Variants in PCDHA2 observed in about 807,000 individuals in gnomAD.
PCDHA2 encodes protocadherin alpha 2.
PCDHA2 carries 58 observed loss-of-function variants against 66.0 expected under a neutral mutation model. The observed-to-expected ratio is 0.88, with a 90% CI of 0.71 to 1.09. PCDHA2 has a LOEUF of 1.09. PCDHA2 is among the 50% of genes least tolerant of loss of function. The probability of loss-of-function intolerance (pLI) is 0.00; values close to 1 mark genes in which losing one functional copy is unlikely to be tolerated. For missense variants in PCDHA2, 1,267 were observed against 1,242.3 expected (o/e 1.02, Z -0.30); for synonymous variants, 634 against 554.0 (o/e 1.14, Z -2.03).
intron 3 of PCDHA2, among the ~76,000 whole-genome samples, chr5:140,987,362 A>G (rs1490856237): frequency 6.6e-6 from 1 of 152,208 alleles, no homozygotes; most frequent in Non-Finnish European, 1.5e-5. Flanking sequence ...AGGTTGTCTT[A>G]TATCATTACA....
At chr5:140,802,377 C>T in intron 1 of PCDHA2, 2 of 1,614,264 alleles carry the variant, frequency 1.2e-6, no homozygotes, top group Non-Finnish European at 8.5e-7. Flanking sequence ...GCCCCACGTC[C>T]CCTTCAAGCT....
chr5:140,925,084 AGGAAGGAAGGAAGGAAGGAAGGAG>A (rs1554202501), intron 1 of PCDHA2, among the ~76,000 whole-genome samples: 1 of 144,612 alleles, frequency 6.9e-6, no homozygotes, highest in Admixed American at 6.7e-5. Flanking sequence ...TCATCTGGAA[AGGAAGGAAGGAAGGAAGGAAGGAG>A]GGAAGGAAGG....
At chr5:140,850,883 T>G in intron 1 of PCDHA2, 1 of 1,582,476 alleles carries the variant, frequency 6.3e-7, no homozygotes, top group Non-Finnish European at 8.6e-7. Context: ...CAGATTCAAC[T>G]GGGAAGGTGG....
intron 1 of PCDHA2, among the ~76,000 whole-genome samples, chr5:140,889,158 T>A (rs2062123549): frequency 6.6e-6 from 1 of 151,892 alleles, no homozygotes; most frequent in Non-Finnish European, 1.5e-5. Context: ...TCTTCTTTGT[T>A]AAGTATTCAA....
At chr5:140,911,258 T>C (rs265316) in intron 1 of PCDHA2, among the ~76,000 whole-genome samples, 87,913 of 151,980 alleles carry the variant, frequency 0.58, 26,381 homozygotes, top group African/African-American at 0.75. Flanking sequence ...TCAGAATTTA[T>C]AATCTCAGTG....
rs2150177437 is a variant in PCDHA2 at position 140,829,902 on chromosome 5, AC to A, written c.2388+32551del. 3 of 1,613,830 alleles carry A rather than the reference AC, an allele frequency of 1.9e-6. No homozygotes were observed. The African/African-American group carries it at 4.0e-5, about 22-fold the overall frequency. Reference sequence around the variant, plus strand: ...GCAGTTGACGCCGACTCAGGCTACAACGCGTGGCTTTCGTATGAGCTGCAGC... The same window carrying A: ...GCAGTTGACGCCGACTCAGGCTACAAGCGTGGCTTTCGTATGAGCTGCAGC... On this transcript the variant is annotated intron_variant, in intron 1 of 3. Coordinates refer to ENST00000526136, the MANE Select transcript of PCDHA2 (RefSeq NM_018905.3).
At chr5:140,902,208 T>TC (rs1462936622) in intron 1 of PCDHA2, among the ~76,000 whole-genome samples, 2 of 149,762 alleles carry the variant, frequency 1.3e-5, no homozygotes, top group East Asian at 3.9e-4. Flanking sequence ...TCTTTCTTTT[T>TC]TTTTTTTTTT....
chr5:140,885,053 A>T (rs2060447405), intron 1 of PCDHA2, among the ~76,000 whole-genome samples: 1 of 152,248 alleles, frequency 6.6e-6, no homozygotes, highest in African/African-American at 2.4e-5. Flanking sequence ...ATGTATACAT[A>T]TACCCACAAG....
At chr5:140,857,993 C>G (rs782150278) in intron 1 of PCDHA2, 1 of 1,597,064 alleles carries the variant, frequency 6.3e-7, no homozygotes. Flanking sequence ...CCTACTGGTG[C>G]TGGTGAAGGA....
intron 1 of PCDHA2, among the ~76,000 whole-genome samples, chr5:140,820,744 T>C: frequency 6.6e-6 from 1 of 151,038 alleles, no homozygotes; most frequent in African/African-American, 2.5e-5. Context: ...TGTGAAATAG[T>C]ATGTCATATA....
At chr5:140,953,413 C>T (rs965115726) in intron 1 of PCDHA2, among the ~76,000 whole-genome samples, 1 of 152,120 alleles carries the variant, frequency 6.6e-6, no homozygotes, top group Non-Finnish European at 1.5e-5. Context: ...GCTCCTGGCT[C>T]CTCCCCTTTG....
At chr5:140,909,451 G>T (rs1433382775) in intron 1 of PCDHA2, among the ~76,000 whole-genome samples, 1 of 152,216 alleles carries the variant, frequency 6.6e-6, no homozygotes, top group African/African-American at 2.4e-5. Flanking sequence ...CATTCTCCAA[G>T]ATCCATCTGT....
chr5:140,836,639 G>T, intron 1 of PCDHA2: 1 of 1,613,412 alleles, frequency 6.2e-7, no homozygotes, highest in Middle Eastern at 1.6e-4. Context: ...CATTCTCCCA[G>T]CAGAGGCGGC....
At chr5:140,978,048 C>T (rs2096787371) in intron 1 of PCDHA2, among the ~76,000 whole-genome samples, 1 of 152,146 alleles carries the variant, frequency 6.6e-6, no homozygotes, top group African/African-American at 2.4e-5. Flanking sequence ...GTGATGGTGA[C>T]TGATGATGTC....
In PCDHA2 at chr5:140,829,829, C is replaced by G. The variant is rs2150175564; in HGVS notation, c.2388+32477C>G. The G allele has an allele frequency of 1.2e-5, 19 of 1,613,904 alleles. No individual in the cohort carries two copies. In the East Asian group the frequency reaches 3.6e-4, roughly 30 times the overall value. ...TGGTACTGGTGGTGCAGTGAGCGAG[C>G]TGGTGCCGCGGTCACTGGGTGCAGG... On this transcript the variant is annotated intron_variant, in intron 1 of 3. Transcript: ENST00000526136.
chr5:140,999,600 TG>T (rs1213821435), intron 3 of PCDHA2, among the ~76,000 whole-genome samples: 3 of 152,150 alleles, frequency 2.0e-5, no homozygotes. Context: ...CCCTACATCC[TG>T]GGGGACCTTA....
At chr5:140,940,987 T>A (rs1239979893) in intron 1 of PCDHA2, among the ~76,000 whole-genome samples, 2 of 152,190 alleles carry the variant, frequency 1.3e-5, no homozygotes, top group African/African-American at 4.8e-5. Flanking sequence ...TAGTTACAAG[T>A]TTATAGGATT....
At chr5:141,002,583 C>T (rs781898349) in intron 3 of PCDHA2, among the ~76,000 whole-genome samples, 6 of 152,176 alleles carry the variant, frequency 3.9e-5, no homozygotes, top group Non-Finnish European at 7.3e-5. Context: ...GACCATTAGT[C>T]CTTAGTCCCC....
intron 1 of PCDHA2, among the ~76,000 whole-genome samples, chr5:140,975,280 T>C (rs914764307): frequency 6.6e-6 from 1 of 152,252 alleles, no homozygotes; most frequent in Non-Finnish European, 1.5e-5. Flanking sequence ...CTCTGACCTC[T>C]AGACCCAGAT....
Sources: gnomAD v4.1 joint callset for allele counts (sites outside exome capture counted in the v4.1 genomes callset) on GRCh38, gnomAD v4.1.1 for gene constraint, MANE v1.5 for transcripts, NCBI Gene and HGNC (gene_info 2026-07-23, HGNC 2026-07-21) for gene names.